The following KCNK10 variants were observed in gnomAD, a reference collection of about 807,000 sequenced individuals.
KCNK10 encodes the protein potassium two pore domain channel subfamily K member 10.
KCNK10 carries 25 observed loss-of-function variants against 47.7 expected under a neutral mutation model. That is an observed-to-expected ratio of 0.52 (90% CI 0.38 to 0.73). The LOEUF is 0.73. Ranked by LOEUF, KCNK10 falls within the 30% of genes least tolerant of loss-of-function variation. KCNK10 has a pLI of 0.00. For missense variants in KCNK10, 563 were observed against 714.5 expected, an observed-to-expected ratio of 0.79 and a Z score of 2.42; for synonymous variants, 303 against 285.6, an observed-to-expected ratio of 1.06 and a Z score of -0.61.
At chr14:88,197,572 TAAAAAAAAAAAAAA>T (rs71417717) in intron 4 of KCNK10, among the ~76,000 whole-genome samples, 36 of 17,150 alleles carry the variant, frequency 2.1e-3, no homozygotes, top group Non-Finnish European at 4.0e-3. Context: ...AGACTCCGAC[TAAAAAAAAAAAAAA>T]AAAAAAAAAA....
At chr14:88,315,756 C>G (rs1209745072) in intron 1 of KCNK10, among the ~76,000 whole-genome samples, 1 of 152,150 alleles carries the variant, frequency 6.6e-6, no homozygotes, top group Non-Finnish European at 1.5e-5. Context: ...ATTCAAGCAA[C>G]TCTTTTTAAA....
chr14:88,217,449 A>G (rs1595086329), intron 4 of KCNK10, among the ~76,000 whole-genome samples: 1 of 152,240 alleles, frequency 6.6e-6, no homozygotes, highest in Admixed American at 6.5e-5. Flanking sequence ...TTCATTACCA[A>G]TAGGTATTGG....
intron 4 of KCNK10, among the ~76,000 whole-genome samples, chr14:88,217,199 C>A (rs980797752): frequency 6.6e-6 from 1 of 152,108 alleles, no homozygotes; most frequent in East Asian, 1.9e-4. Flanking sequence ...TAACATTAAT[C>A]CTACTGAGTT....
At chr14:88,294,732 G>C (rs972028283) in intron 1 of KCNK10, among the ~76,000 whole-genome samples, 20 of 152,144 alleles carry the variant, frequency 1.3e-4, no homozygotes, top group African/African-American at 4.8e-4. Flanking sequence ...GCAAAGTATT[G>C]CCTTAAGGAT....
chr14:88,299,770 A>G (rs1888058142), intron 1 of KCNK10, among the ~76,000 whole-genome samples: 1 of 152,246 alleles, frequency 6.6e-6, no homozygotes, highest in South Asian at 2.1e-4. Flanking sequence ...GCATTCAGTA[A>G]ACAATGATAA....
intron 3 of KCNK10, among the ~76,000 whole-genome samples, chr14:88,238,300 A>G (rs1192523321): frequency 2.0e-5 from 3 of 152,186 alleles, no homozygotes; most frequent in African/African-American, 4.8e-5. Context: ...AATTTTCTCC[A>G]TATCAGCAAT....
In KCNK10 at chr14:88,322,293, C is replaced by T. The variant is rs1188152438; in HGVS notation, c.52+454G>A. 1.3e-5 allele frequency among the ~76,000 whole-genome samples: 2 copies of T among 152,196 alleles called. No homozygotes were observed. Among genetic ancestry groups the T allele is most frequent in the South Asian group, 2.1e-4 (1 of 4,834 alleles). ...GACGGCTGCTGCAACTCGAGCCCCA[C>T]TTGCTGCCAGGAAACCTTTCCCACT... On this transcript the variant is annotated intron_variant, in intron 1 of 6. Transcript: ENST00000319231. The surrounding 1 kb of genome is among the most constrained non-coding windows in gnomAD (Gnocchi z 4.8).
intron 1 of KCNK10, among the ~76,000 whole-genome samples, chr14:88,310,229 G>GGTATATT (rs1566721518): frequency 2.7e-5 from 1 of 36,748 alleles, no homozygotes; most frequent in Non-Finnish European, 9.6e-5. Context: ...TATGGTATAT[G>GGTATATT]ATATACCATA....
At position 88,186,276 on chromosome 14, in the gene KCNK10, AG is replaced by A; in HGVS notation, c.1012-122del. On this transcript the variant is annotated intron_variant, in intron 6 of 6. Transcript: ENST00000319231. This position sits in a 1 kb window ranked among gnomAD's most constrained non-coding sequence, Gnocchi z 5.5. ...CCAGGAGGTGACGGAGCACATGCCC[AG>A]GGGGAGGTGCAAATGCTACCTTCTG... 1 of 1,203,844 alleles carries A rather than the reference AG, an allele frequency of 8.3e-7. No individual in the cohort carries two copies. The highest frequency in any genetic ancestry group is 1.6e-5 in the South Asian group (1 of 61,092). The allele number at this position is 1,203,844 out of a possible 1,614,324, so 74.6% of individuals were successfully genotyped here.
At chr14:88,202,159 G>A (rs1171255579) in intron 4 of KCNK10, among the ~76,000 whole-genome samples, 1 of 152,168 alleles carries the variant, frequency 6.6e-6, no homozygotes, top group Non-Finnish European at 1.5e-5. Context: ...TTAGGAGAAA[G>A]ATTAGAAAAT....
intron 2 of KCNK10, among the ~76,000 whole-genome samples, chr14:88,248,062 C>T (rs576598549): frequency 1.3e-5 from 2 of 152,218 alleles, no homozygotes; most frequent in Non-Finnish European, 2.9e-5. Context: ...TTACACTCTA[C>T]AGGCAGAATA....
At chr14:88,235,061 G>C (rs1886262056) in intron 3 of KCNK10, 1 of 456,350 alleles carries the variant, frequency 2.2e-6, no homozygotes. Context: ...AAGAGGGAGA[G>C]CAGCAGAAGC....
intron 1 of KCNK10, among the ~76,000 whole-genome samples, chr14:88,279,681 A>G (rs1887604489): frequency 6.6e-6 from 1 of 152,166 alleles, no homozygotes; most frequent in Non-Finnish European, 1.5e-5. Context: ...CAGGAGGAGC[A>G]CAACCATCCC....
intron 1 of KCNK10, among the ~76,000 whole-genome samples, chr14:88,275,076 G>A (rs911115670): frequency 6.6e-5 from 10 of 152,154 alleles, no homozygotes; most frequent in East Asian, 1.9e-4. Flanking sequence ...CCCTTCCTGC[G>A]CCTTTTCTCC....
chr14:88,187,623 G>GC (rs370672314), intron 6 of KCNK10, among the ~76,000 whole-genome samples: 2 of 92,022 alleles, frequency 2.2e-5, no homozygotes, highest in Non-Finnish European at 5.3e-5. Context: ...AGGACAGGCT[G>GC]CACCCCCCCA....
intron 3 of KCNK10, among the ~76,000 whole-genome samples, chr14:88,234,166 C>T (rs1435846257): frequency 8.5e-5 from 13 of 152,160 alleles, no homozygotes; most frequent in Non-Finnish European, 1.5e-5. Flanking sequence ...TCAGGCCACC[C>T]AGCTTCCTTT....
intron 4 of KCNK10, among the ~76,000 whole-genome samples, chr14:88,193,450 G>C (rs906985230): frequency 6.6e-6 from 1 of 152,080 alleles, no homozygotes; most frequent in Admixed American, 6.6e-5. Flanking sequence ...AAAAATCCTC[G>C]CAATTCTCAG....
At chr14:88,239,349 C>T (rs1218007734) in intron 3 of KCNK10, among the ~76,000 whole-genome samples, 2 of 152,128 alleles carry the variant, frequency 1.3e-5, no homozygotes, top group Admixed American at 6.5e-5. Flanking sequence ...CACTGACTGC[C>T]TTATATGTAA....
At chr14:88,302,043 A>C (rs1888110497) in intron 1 of KCNK10, among the ~76,000 whole-genome samples, 1 of 152,186 alleles carries the variant, frequency 6.6e-6, no homozygotes, top group Admixed American at 6.5e-5. Context: ...GGAGAGAAAC[A>C]AACAGATTCT....
Sources: allele counts gnomAD v4.1 joint callset (sites outside exome capture counted in the v4.1 genomes callset), GRCh38; gene constraint gnomAD v4.1.1; non-coding constraint Gnocchi (gnomAD v3.1); transcripts MANE v1.5; gene names NCBI Gene and HGNC (gene_info 2026-07-23, HGNC 2026-07-21).